The following ANKRD28 variants were observed in gnomAD, a reference collection of about 807,000 sequenced individuals.
ANKRD28 encodes the protein serine/threonine-protein phosphatase 6 regulatory ankyrin repeat subunit A.
A neutral mutation model predicts 126.5 loss-of-function variants in ANKRD28; 44 were observed. That is an observed-to-expected ratio of 0.35 (90% CI 0.27 to 0.45). The LOEUF is 0.45. ANKRD28 is among the 20% of genes least tolerant of loss of function. ANKRD28 has a pLI of 1.00. For synonymous variants in ANKRD28, 442 were observed against 468.5 expected (o/e 0.94, Z 0.73); for missense variants, 1,110 against 1,316.6 (o/e 0.84, Z 2.43).
chr3:15,833,188 T>G lies in ANKRD28; in HGVS notation c.27+26189A>C, dbSNP rs150959820. 5.7e-4 allele frequency among the ~76,000 whole-genome samples: 87 copies of G among 152,114 alleles called. 2 individuals carry two copies. The East Asian group carries it at 0.015, about 26-fold the overall frequency. ...CTGCCAAAGGAGATTAACATTTAAG[T>G]CAGTGGGCTGGGAAAGGCGGATCTA... On this transcript the variant is annotated intron_variant, in intron 1 of 27. Transcript: ENST00000399451. This position sits in a 1 kb window ranked among gnomAD's most constrained non-coding sequence, Gnocchi z 4.4.
intron 2 of ANKRD28, chr3:15,781,354 G>C (rs1279996949): frequency 6.6e-6 from 1 of 151,898 alleles, no homozygotes. Flanking sequence ...ACTGAGTGGG[G>C]AAGATCTGCC....
intron 17 of ANKRD28, among the ~76,000 whole-genome samples, chr3:15,691,383 A>C (rs991728970): frequency 4.6e-5 from 7 of 152,158 alleles, no homozygotes; most frequent in Non-Finnish European, 7.3e-5. Flanking sequence ...TCGGCCTCCC[A>C]AAGTGCTGGG....
intron 6 of ANKRD28, among the ~76,000 whole-genome samples, chr3:15,734,852 G>A (rs916684951): frequency 6.6e-6 from 1 of 152,050 alleles, no homozygotes; most frequent in Non-Finnish European, 1.5e-5. Flanking sequence ...GGTTTTGGGT[G>A]GTCTACCCCA....
In ANKRD28 at chr3:15,794,627, A is replaced by G. The variant is rs2060195851; in HGVS notation, c.201+596T>C. Among the ~76,000 whole-genome samples the G allele has an allele frequency of 2.6e-5, 4 of 152,346 alleles. No individual in the cohort carries two copies. In the East Asian group the frequency reaches 7.7e-4, roughly 29 times the overall value. On this transcript the variant is annotated intron_variant, in intron 2 of 27. Coordinates refer to ENST00000683139, the MANE Select transcript of ANKRD28 (RefSeq NM_001349278.2). ...AAATTATCCATATATCCACCTTTCT[A>G]AAACTGTCCATCATGTCAGCACTGA...
rs770087014 is a variant in ANKRD28, at chr3:15,713,547, T to G, written c.1170A>C (p.Thr390=). ...GHELLINTLI[T]SGADTAKRGI... ...CTTACTTTGCAGTGTCAGCACCACT[T>G]GTAATAAGAGTGTTGATCAGCAGCT... is the stretch of plus-strand genomic sequence containing the variant. The change falls in exon 10 of 28, where the codon ACA becomes ACC. Residue 390 remains threonine, a synonymous_variant. Coordinates refer to ENST00000683139, the MANE Select transcript of ANKRD28 (RefSeq NM_001349278.2). 5 of 1,611,532 alleles carry G rather than the reference T, an allele frequency of 3.1e-6. No individual in the cohort carries two copies. In the African/African-American group the frequency reaches 6.7e-5, roughly 22 times the overall value.
intron 14 of ANKRD28, among the ~76,000 whole-genome samples, chr3:15,705,904 CAGG>C (rs930944109): frequency 1.3e-5 from 2 of 152,036 alleles, no homozygotes; most frequent in Non-Finnish European, 2.9e-5. Context: ...GAGGCTGAGG[CAGG>C]AGAATTGCTT....
chr3:15,673,775 T>G (rs560441592), intron 27 of ANKRD28, among the ~76,000 whole-genome samples: 1 of 152,230 alleles, frequency 6.6e-6, no homozygotes, highest in South Asian at 2.1e-4. Context: ...TCACAATGCA[T>G]GTATAACCCT....
chr3:15,741,987 C>A (rs573934224), intron 4 of ANKRD28, among the ~76,000 whole-genome samples: 38 of 152,176 alleles, frequency 2.5e-4, no homozygotes, highest in Non-Finnish European at 4.4e-5. Context: ...GATCCGCCAG[C>A]CTCGGCCTCC....
At chr3:15,683,540 A>G (rs1334285414) in intron 21 of ANKRD28, among the ~76,000 whole-genome samples, 5 of 152,202 alleles carry the variant, frequency 3.3e-5, no homozygotes, top group Admixed American at 3.3e-4. Context: ...GTAAAAAACA[A>G]AGAGACTAAA....
chr3:15,678,183 A>G (rs770611868), intron 24 of ANKRD28, 26 bp downstream of exon 24: 36 of 1,586,016 alleles, frequency 2.3e-5, no homozygotes, highest in Non-Finnish European at 3.0e-5. Flanking sequence ...ACTTAGGAAA[A>G]TACAATTTTA....
rs934859900 is a variant in ANKRD28 at position 15,797,232 on chromosome 3, A to G, written c.-711T>C. 31 of 983,922 alleles carry G rather than the reference A, an allele frequency of 3.2e-5. No individual in the cohort carries two copies. The highest frequency in any genetic ancestry group is 3.0e-5 in the Non-Finnish European group (25 of 829,458). The allele number at this position is 983,922 out of a possible 1,614,324, so 60.9% of individuals were successfully genotyped here. A position where few individuals can be genotyped will look rare whatever the true frequency, so the allele number is the denominator to read the frequency against. ...AACAAAAAAAAAAAAACCACTCTGC[A>G]TTAATAGCAAAGCTGCAGTACGTTT... On this transcript the variant is annotated 5_prime_UTR_variant, in exon 1 of 28. The change abolishes an upstream ATG in the 5' untranslated region. Transcript: ENST00000683139.
At chr3:15,792,581 T>C (rs113065809) in intron 2 of ANKRD28, among the ~76,000 whole-genome samples, 1 of 151,292 alleles carries the variant, frequency 6.6e-6, no homozygotes, top group African/African-American at 2.4e-5. Flanking sequence ...TAATGGGGGG[T>C]TGAGTGGGAG....
chr3:15,736,432 G>C (rs2075021423), intron 5 of ANKRD28, among the ~76,000 whole-genome samples: 1 of 152,168 alleles, frequency 6.6e-6, no homozygotes, highest in African/African-American at 2.4e-5. Flanking sequence ...CCCAGCCACA[G>C]AATCTTGGGA....
chr3:15,698,778 A>G (rs1056827274), intron 14 of ANKRD28, among the ~76,000 whole-genome samples: 1 of 152,200 alleles, frequency 6.6e-6, no homozygotes, highest in Admixed American at 6.5e-5. Flanking sequence ...ATGCTCATGG[A>G]CAGGAAGAAT....
Position 15,686,248 on chromosome 3 carries a change from T to C in ANKRD28, c.2025A>G (p.Ala675=). The change falls in exon 19 of 28, where the codon GCA becomes GCG. Residue 675 remains alanine (A), a synonymous_variant. Transcript: ENST00000683139. ...GTCCATTTCCATCTTGAATATCCAC[T>C]GCATTCTGTGGTTCTGCATTTCCTA... The part of the protein sequence containing the change: ...LLIGNAEPQN[A]VDIQDGNGQT... 1 of 1,593,768 alleles carries C rather than the reference T, an allele frequency of 6.3e-7. No homozygotes were observed. The highest frequency in any genetic ancestry group is 8.6e-7 in the Non-Finnish European group (1 of 1,168,818).
intron 14 of ANKRD28, among the ~76,000 whole-genome samples, chr3:15,706,015 C>A (rs1298264643): frequency 1.4e-5 from 2 of 147,860 alleles, no homozygotes; most frequent in Non-Finnish European, 3.0e-5. Flanking sequence ...CGAAACAAAA[C>A]AACAAACAAC....
rs202220330 is a variant in ANKRD28 at position 15,685,382 on chromosome 3, G to C, written c.2233C>G (p.Arg745Gly). 6.8e-6 allele frequency: 11 copies of C among 1,613,948 alleles called. No individual in the cohort carries two copies. The highest frequency in any genetic ancestry group is 9.3e-6 in the Non-Finnish European group (11 of 1,179,866). Residue 745 changes from arginine (R) to glycine (G), a missense_variant, in exon 21 of 28, where the codon CGG becomes GGG. Coordinates refer to ENST00000683139, the MANE Select transcript of ANKRD28 (RefSeq NM_001349278.2). ...LLQHGAKCLL[R>G]DSRGRTPIHL... ...ATAGGCGTCCGGCCCCTGCTATCCC[G>C]AAGTAAGCACTTAGCACCATGTTGA...
At position 15,845,659 on chromosome 3, in the gene ANKRD28, G is replaced by A. The variant is rs745878713; in HGVS notation, c.27+13718C>T. On this transcript the variant is annotated intron_variant, in intron 1 of 27. Coordinates refer to the ANKRD28 transcript ENST00000399451. The surrounding 1 kb of genome is among the most constrained non-coding windows in gnomAD (Gnocchi z 4.9). ...AAAGCCAGCTGTTGTTAACCTTCAC[G>A]TATTAGTCCACTCTCACACTGCTAT... 2.4e-4 allele frequency among the ~76,000 whole-genome samples: 37 copies of A among 152,192 alleles called. 5 individuals carry two copies. The highest frequency in any genetic ancestry group is 1.0e-3 in the Admixed American group (16 of 15,268).
At chr3:15,842,355 C>T (rs150401912) in intron 1 of ANKRD28, among the ~76,000 whole-genome samples, 1 of 150,488 alleles carries the variant, frequency 6.6e-6, no homozygotes, top group East Asian at 2.0e-4. Flanking sequence ...AAAATTAAAA[C>T]AATTGAACTC....
Sources: allele counts gnomAD v4.1 joint callset (sites outside exome capture counted in the v4.1 genomes callset), GRCh38; gene constraint gnomAD v4.1.1; non-coding constraint Gnocchi (gnomAD v3.1); transcripts MANE v1.5; gene names NCBI Gene and HGNC (gene_info 2026-07-23, HGNC 2026-07-21).